Variants in RASL11A observed in about 807,000 individuals in gnomAD.
RASL11A encodes the protein ras-like protein family member 11A.
RASL11A carries 14 observed loss-of-function variants against 17.1 expected under a neutral mutation model. The ratio of observed to expected loss-of-function variants is 0.82; its 90% CI spans 0.54 to 1.28. The LOEUF (loss-of-function observed/expected upper bound fraction) is 1.28, where lower values mean the gene tolerates loss of function less well. Ranked by LOEUF, RASL11A falls within the 50% of genes most tolerant of loss-of-function variation. The pLI is 0.00. For synonymous variants in RASL11A, 146 were observed against 132.5 expected (o/e 1.10, Z -0.70); for missense variants, 283 against 312.3 (o/e 0.91, Z 0.71).
rs1882355971 is a variant in RASL11A, at chr13:27,273,249, G to A, written c.484G>A (p.Gly162Ser). Residue 162 changes from glycine (G) to serine (S), a missense_variant, in exon 4 of 4, where the codon GGT (glycine) becomes AGT (serine). By Grantham distance (56) the Gly-to-Ser change is moderately conservative. Coordinates refer to ENST00000241463, the MANE Select transcript of RASL11A (RefSeq NM_206827.2). Reference protein sequence around the residue: ...LHARQVQTQDGIQLANELGSL... With the variant: ...LHARQVQTQDSIQLANELGSL... ...TGCCCGGCAGGTGCAGACACAGGAC[G>A]GTATTCAGCTAGCCAATGAGCTGGG... 3.7e-6 allele frequency: 6 copies of A among 1,614,176 alleles called. No individual in the cohort carries two copies. Among genetic ancestry groups the A allele is most frequent in the Non-Finnish European group, 5.1e-6 (6 of 1,180,028 alleles).
Position 27,273,083 on chromosome 13 carries a change from C to G in RASL11A, c.318C>G (p.Ala106=). 6.2e-7 allele frequency: 1 copy of G among 1,614,148 alleles called. No individual in the cohort carries two copies. Among genetic ancestry groups the G allele is most frequent in the Non-Finnish European group, 8.5e-7 (1 of 1,180,026 alleles). The change falls in exon 4 of 4, where the codon GCC becomes GCG. Residue 106 remains alanine (A), a synonymous_variant. Transcript: ENST00000241463. ...VDSLSKCVQW[A]EGFLLVYSIT... is the part of the protein sequence containing the mutation. ...CCCTGTCCAAATGCGTGCAGTGGGC[C>G]GAGGGTTTTCTGCTGGTCTATTCCA...
At chr13:27,271,785 A>C in intron 3 of RASL11A, 67 bp downstream of exon 3, 1 of 1,364,168 alleles carries the variant, frequency 7.3e-7, no homozygotes, top group Admixed American at 2.2e-5. Flanking sequence ...CACAGCACGT[A>C]GGGCGCCCAT....
At position 27,271,512 on chromosome 13, in the gene RASL11A, A is replaced by G. The variant is rs768790790; in HGVS notation, c.153A>G (p.Arg51=). Residue 51 remains arginine (R), a synonymous_variant, in exon 2 of 4, where the codon AGA becomes AGG. Coordinates refer to ENST00000241463, the MANE Select transcript of RASL11A (RefSeq NM_206827.2). ...TGATCGTGCGCTTCCTGACCAAGAGATTCATTGGAGACTATGAACCGAATA... is the reference window on the plus strand; with the variant it reads ...TGATCGTGCGCTTCCTGACCAAGAGGTTCATTGGAGACTATGAACCGAATA... ...SAMIVRFLTK[R]FIGDYEPNTG... 5.6e-6 allele frequency: 9 copies of G among 1,614,150 alleles called. No homozygotes were observed. In the South Asian group the frequency reaches 8.8e-5, roughly 16 times the overall value.
Position 27,273,599 on chromosome 13 carries a change from AATTG to A in RASL11A, c.*109_*112del. 1 of 903,814 alleles carries A rather than the reference AATTG, an allele frequency of 1.1e-6. No homozygotes were observed. The highest frequency in any genetic ancestry group is 1.7e-5 in the African/African-American group (1 of 59,598). The allele number at this position is 903,814 out of a possible 1,614,324, so 56.0% of individuals were successfully genotyped here. A position where few individuals can be genotyped will look rare whatever the true frequency, so the allele number is the denominator to read the frequency against. ...CATTCAGAGTTTATTTTTATAAAAAAATTGATTTTCAAGTACATGTGTATTTCTG... is the reference window on the plus strand; with the variant it reads ...CATTCAGAGTTTATTTTTATAAAAAAATTTTCAAGTACATGTGTATTTCTG... On this transcript the variant is annotated 3_prime_UTR_variant, in exon 4 of 4. Coordinates refer to ENST00000241463, the MANE Select transcript of RASL11A (RefSeq NM_206827.2).
Position 27,273,045 on chromosome 13 carries a change from C to A in RASL11A, c.280C>A (p.Gln94Lys), listed in dbSNP as rs747101856. 1 of 1,613,964 alleles carries A rather than the reference C, an allele frequency of 6.2e-7. No homozygotes were observed. Among genetic ancestry groups the A allele is most frequent in the Non-Finnish European group, 8.5e-7 (1 of 1,179,814 alleles). ...TTCTCAGATCCAAGACAGCCTCCCC[C>A]AGGTCGTCGATTCCCTGTCCAAATG... ...GGVQIQDSLP[Q>K]VVDSLSKCVQ... The change falls in exon 4 of 4, where the codon CAG becomes AAG. Residue 94 changes from glutamine (Q) to lysine (K), a missense_variant. By Grantham distance (53) the Gln-to-Lys change is moderately conservative. Coordinates refer to ENST00000241463, the MANE Select transcript of RASL11A (RefSeq NM_206827.2).
chr13:27,273,685 A>G lies in RASL11A; in HGVS notation c.*191A>G. 2.9e-6 allele frequency: 1 copy of G among 350,118 alleles called. No homozygotes were observed. The highest frequency in any genetic ancestry group is 4.5e-5 in the Admixed American group (1 of 22,260). The allele number at this position is 350,118 out of a possible 1,614,324, so 21.7% of individuals were successfully genotyped here. The stretch of plus-strand genomic sequence containing the variant: ...ATAAAATTTTGTTTTGTTTTATTAA[A>G]AGAACTTTTTTTTTTTTTTTTTTTT... On this transcript the variant is annotated 3_prime_UTR_variant, in exon 4 of 4. Transcript: ENST00000241463.
chr13:27,274,091 A>G lies in RASL11A; in HGVS notation c.*597A>G. On this transcript the variant is annotated 3_prime_UTR_variant, in exon 4 of 4. Transcript: ENST00000241463. ...AAATGCAAGTTTATACTCTACCCAT[A>G]TTAAAAAACAACCCCTTTTCTAGTA... is the stretch of plus-strand genomic sequence containing the variant. 6.6e-6 allele frequency among the ~76,000 whole-genome samples: 1 copy of G among 152,216 alleles called. No homozygotes were observed. The highest frequency in any genetic ancestry group is 1.9e-4 in the East Asian group (1 of 5,200).
rs1351037901 is a variant in RASL11A at position 27,273,278 on chromosome 13, C to G, written c.513C>G (p.Ser171Arg). The change falls in exon 4 of 4, where the codon AGC becomes AGG. Residue 171 changes from serine to arginine, a missense_variant. Physicochemically the swap from Ser to Arg is moderately radical, Grantham distance 110. Transcript: ENST00000241463. ...DGIQLANELG[S>R]LFLEISTSEN... is the part of the protein sequence containing the mutation. ...TTCAGCTAGCCAATGAGCTGGGCAG[C>G]CTGTTCCTTGAAATTTCCACTAGCG... 6.2e-7 allele frequency: 1 copy of G among 1,614,202 alleles called. No individual in the cohort carries two copies. The highest frequency in any genetic ancestry group is 1.7e-5 in the Admixed American group (1 of 60,020).
chr13:27,271,456 T>G, intron 1 of RASL11A, 28 bp from the exon 2 acceptor site: 1 of 1,614,014 alleles, frequency 6.2e-7, no homozygotes, highest in Non-Finnish European at 8.5e-7. Context: ...TTCTACTCCT[T>G]CGGTTGATTT....
chr13:27,271,578 G>C, intron 2 of RASL11A, 38 bp downstream of exon 2: 1 of 1,613,516 alleles, frequency 6.2e-7, no homozygotes, highest in Non-Finnish European at 8.5e-7. Context: ...TTATGCTTGC[G>C]TGTTTCTTTT....
At position 27,270,892 on chromosome 13, in the gene RASL11A, T is replaced by A. The variant is rs1421752647; in HGVS notation, c.-53T>A. On this transcript the variant is annotated 5_prime_UTR_variant, in exon 1 of 4. Transcript: ENST00000241463. ...TCCCAGCTGGCGAGCCGGCTCCGGG[T>A]GCGGCGAGGCCCAGCCCTCTCGGAT... is the stretch of plus-strand genomic sequence containing the variant. 8 of 1,541,596 alleles carry A rather than the reference T, an allele frequency of 5.2e-6. No individual in the cohort carries two copies. The highest frequency in any genetic ancestry group is 1.4e-5 in the African/African-American group (1 of 71,696).
chr13:27,271,592 G>T, intron 2 of RASL11A, 47 bp from the exon 3 acceptor site: 1 of 1,613,112 alleles, frequency 6.2e-7, no homozygotes, highest in African/African-American at 1.3e-5. Flanking sequence ...TTCTTTTTAC[G>T]GATGGGAGTT....
At chr13:27,271,215 G>C in intron 1 of RASL11A, 147 bp downstream of exon 1, 1 of 1,455,118 alleles carries the variant, frequency 6.9e-7, no homozygotes, top group Non-Finnish European at 9.0e-7. Flanking sequence ...GTGGGTCCCG[G>C]TCCGTCCCGG....
chr13:27,271,556 CG>C lies in RASL11A; in HGVS notation c.181+17del. On this transcript the variant is annotated intron_variant, in intron 2 of 3. Transcript: ENST00000241463. ...CCGAATACAGGTGAGAATACTTTCA[CG>C]CTCCCTGCTTTTATGCTTGCGTGTT... 2.5e-6 allele frequency: 4 copies of C among 1,613,848 alleles called. No individual in the cohort carries two copies. The highest frequency in any genetic ancestry group is 3.4e-6 in the Non-Finnish European group (4 of 1,179,674).
Position 27,273,486 on chromosome 13 carries a change from C to A in RASL11A, c.721C>A (p.Leu241Met), listed in dbSNP as rs373964981. 2 of 1,613,128 alleles carry A rather than the reference C, an allele frequency of 1.2e-6. No homozygotes were observed. The highest frequency in any genetic ancestry group is 1.7e-6 in the Non-Finnish European group (2 of 1,179,390). ...TCCCAAAGTCAAAGCCCCCTCTGCA[C>A]TGGGGTGAACTATCTCAGACAGATG... Reference protein sequence around the residue: ...LSPKVKAPSALG With the variant: ...LSPKVKAPSAMG The change falls in exon 4 of 4, where the codon CTG (leucine) becomes ATG (methionine). Residue 241 changes from leucine (L) to methionine (M), a missense_variant. By Grantham distance (15) the Leu-to-Met change is conservative. Coordinates refer to ENST00000241463, the MANE Select transcript of RASL11A (RefSeq NM_206827.2).
rs762765599 is a variant in RASL11A, at chr13:27,273,412, G to A, written c.647G>A (p.Arg216His). ...RRRASIIPRP[R>H]SPNMQDLKRR... ...AGAGCCTCCATCATCCCTCGGCCCCGCTCTCCCAACATGCAGGACCTGAAG... is the reference window on the plus strand; with the variant it reads ...AGAGCCTCCATCATCCCTCGGCCCCACTCTCCCAACATGCAGGACCTGAAG... The change falls in exon 4 of 4, where the codon CGC (arginine) becomes CAC (histidine). Residue 216 changes from arginine to histidine, a missense_variant. Transcript: ENST00000241463. The A allele has an allele frequency of 2.4e-5, 39 of 1,614,006 alleles. No individual in the cohort carries two copies. The highest frequency in any genetic ancestry group is 3.3e-4 in the Middle Eastern group (2 of 6,076).
chr13:27,271,326 A>G (rs1882277608), intron 1 of RASL11A, 158 bp from the exon 2 acceptor site: 7 of 1,479,100 alleles, frequency 4.7e-6, no homozygotes, highest in Non-Finnish European at 6.3e-6. Context: ...CGCCAGTCGT[A>G]CTCGCGGCCA....
chr13:27,273,097 T>A lies in RASL11A; in HGVS notation c.332T>A (p.Leu111Gln). 6.2e-7 allele frequency: 1 copy of A among 1,614,204 alleles called. No homozygotes were observed. The highest frequency in any genetic ancestry group is 8.5e-7 in the Non-Finnish European group (1 of 1,180,022). The change falls in exon 4 of 4, where the codon CTG becomes CAG. Residue 111 changes from leucine (L) to glutamine (Q), a missense_variant. Leu to Gln is a moderately radical substitution (Grantham distance 113). Transcript: ENST00000241463. ...KCVQWAEGFL[L>Q]VYSITDYDSY... ...GTGCAGTGGGCCGAGGGTTTTCTGCTGGTCTATTCCATCACAGACTATGAC... is the reference window on the plus strand; with the variant it reads ...GTGCAGTGGGCCGAGGGTTTTCTGCAGGTCTATTCCATCACAGACTATGAC...
In RASL11A at chr13:27,271,055, C is replaced by A; in HGVS notation, c.111C>A (p.Arg37=). 6.3e-7 allele frequency: 1 copy of A among 1,576,448 alleles called. No individual in the cohort carries two copies. Among genetic ancestry groups the A allele is most frequent in the African/African-American group, 1.4e-5 (1 of 73,808 alleles). ...AACTGGCGGTGCTGGGCGCCGGCCG[C>A]GTGGGCAAGAGCGGTGAGTGCGGCG... is the stretch of plus-strand genomic sequence containing the variant. The part of the protein sequence containing the change: ...DIKLAVLGAG[R]VGKSAMIVRF... The change falls in exon 1 of 4, where the codon CGC becomes CGA. Residue 37 remains arginine (R), a synonymous_variant. Transcript: ENST00000241463.
Sources: gnomAD v4.1 joint callset for allele counts (sites outside exome capture counted in the v4.1 genomes callset) on GRCh38, gnomAD v4.1.1 for gene constraint, MANE v1.5 for transcripts, NCBI Gene and HGNC (gene_info 2026-07-23, HGNC 2026-07-21) for gene names.